Variants in RNF212 observed in about 807,000 individuals in gnomAD.
RNF212 encodes probable E3 SUMO-protein ligase RNF212.
RNF212 carries 33 observed loss-of-function variants against 34.7 expected under a neutral mutation model. That is an observed-to-expected ratio of 0.95 (90% CI 0.72 to 1.27). The LOEUF (loss-of-function observed/expected upper bound fraction) is 1.27, where lower values mean the gene tolerates loss of function less well. Ranked by LOEUF, RNF212 falls within the 50% of genes most tolerant of loss-of-function variation. The probability of loss-of-function intolerance (pLI) is 0.00; values close to 1 mark genes in which losing one functional copy is unlikely to be tolerated. For missense variants in RNF212, 377 were observed against 362.2 expected (o/e 1.04, Z -0.33); for synonymous variants, 140 against 136.1 (o/e 1.03, Z -0.20).
chr4:1,077,555 C>T (rs2153039954), intron 8 of RNF212, among the ~76,000 whole-genome samples: 1 of 152,316 alleles, frequency 6.6e-6, no homozygotes, highest in Middle Eastern at 3.4e-3. Flanking sequence ...TGAGTATTCT[C>T]TATCCTCCTC....
intron 7 of RNF212, 79 bp downstream of exon 7, chr4:1,081,340 G>T: frequency 8.3e-7 from 1 of 1,208,078 alleles, no homozygotes; most frequent in Non-Finnish European, 1.2e-6. Context: ...TTGGAGAGGG[G>T]GTGGGGTTGG....
chr4:1,058,307 CGG>C, intron 4 of RNF212: 1 of 898,224 alleles, frequency 1.1e-6, no homozygotes, highest in East Asian at 1.3e-4. Context: ...AAGGTGCTTG[CGG>C]GGGGGCACTA....
chr4:1,075,264 A>G (rs1349498371), intron 8 of RNF212, among the ~76,000 whole-genome samples: 1 of 152,122 alleles, frequency 6.6e-6, no homozygotes, highest in African/African-American at 2.4e-5. Flanking sequence ...TTCACATTTA[A>G]CTGGTGTATT....
At chr4:1,097,707 G>A (rs181400996) in intron 2 of RNF212, among the ~76,000 whole-genome samples, 12 of 152,252 alleles carry the variant, frequency 7.9e-5, no homozygotes, top group Non-Finnish European at 1.5e-4. Flanking sequence ...CCCCAGCCAG[G>A]ACCACATTAG....
At chr4:1,101,337 T>C (rs757389710) in intron 2 of RNF212, 43 of 250,298 alleles carry the variant, frequency 1.7e-4, no homozygotes, top group Non-Finnish European at 3.3e-4. Flanking sequence ...AGCAGAATTT[T>C]TCTCAGGGAA....
intron 1 of RNF212, among the ~76,000 whole-genome samples, chr4:1,108,801 C>G (rs1000609357): frequency 1.3e-5 from 2 of 152,130 alleles, no homozygotes; most frequent in South Asian, 2.1e-4. Context: ...CCGGGCTCAA[C>G]AGTCTTCCCC....
intron 3 of RNF212, among the ~76,000 whole-genome samples, chr4:1,063,694 CA>C (rs61295899): frequency 1.9e-4 from 25 of 131,568 alleles, no homozygotes; most frequent in East Asian, 1.2e-3. Context: ...GACTCAGTCT[CA>C]AAAAAAAAAA....
chr4:1,093,732 C>A, intron 3 of RNF212: 1 of 1,536,298 alleles, frequency 6.5e-7, no homozygotes, highest in Non-Finnish European at 8.7e-7. Flanking sequence ...TTTATGAACT[C>A]AAGCAACTTC....
At chr4:1,057,146 C>T (rs543774187) in intron 4 of RNF212, 25 of 243,774 alleles carry the variant, frequency 1.0e-4, no homozygotes, top group African/African-American at 2.3e-4. Context: ...CGCACACCCC[C>T]GCCCGGCGGC....
chr4:1,094,105 G>A, intron 3 of RNF212: 1 of 1,408,658 alleles, frequency 7.1e-7, no homozygotes, highest in Non-Finnish European at 9.4e-7. Context: ...GAAGGCACAA[G>A]CCCATGAAGG....
chr4:1,056,562 T>A (rs754459865), intron 4 of RNF212: 5 of 821,048 alleles, frequency 6.1e-6, no homozygotes, highest in Non-Finnish European at 7.4e-6. Context: ...GGGAGAAGAG[T>A]TTATTCACTA....
intron 4 of RNF212, among the ~76,000 whole-genome samples, chr4:1,057,918 G>A (rs566073121): frequency 2.3e-4 from 35 of 152,260 alleles, no homozygotes; most frequent in Non-Finnish European, 4.1e-4. Context: ...AAAATTAGCC[G>A]AGTGTGGTGG....
intron 5 of RNF212, among the ~76,000 whole-genome samples, chr4:1,084,242 C>T (rs1020266267): frequency 5.9e-5 from 9 of 152,124 alleles, no homozygotes; most frequent in African/African-American, 2.4e-5. Flanking sequence ...TGAGCCACTG[C>T]GCCTGGCCCC....
intron 1 of RNF212, among the ~76,000 whole-genome samples, chr4:1,111,029 TC>T (rs1725574675): frequency 6.6e-6 from 1 of 152,106 alleles, no homozygotes; most frequent in African/African-American, 2.4e-5. Flanking sequence ...TCTTCACACT[TC>T]CCAGCACCAC....
intron 3 of RNF212, chr4:1,094,030 G>T: frequency 1.4e-6 from 2 of 1,464,654 alleles, no homozygotes; most frequent in Non-Finnish European, 1.8e-6. Flanking sequence ...GGTGATTCAG[G>T]CTGTTTCAGA....
intron 8 of RNF212, among the ~76,000 whole-genome samples, chr4:1,077,928 C>A (rs897624623): frequency 6.6e-6 from 1 of 152,158 alleles, no homozygotes; most frequent in Non-Finnish European, 1.5e-5. Context: ...CAGAGGTGAG[C>A]TGGGCAGGGA....
intron 4 of RNF212, 58 bp downstream of exon 4, chr4:1,090,724 T>C (rs1722054646): frequency 1.1e-6 from 1 of 923,930 alleles, no homozygotes; most frequent in Non-Finnish European, 1.8e-6. Context: ...TTAACAAGTC[T>C]GACATTTAAA....
At chr4:1,104,990 A>G (rs1474407713) in intron 2 of RNF212, among the ~76,000 whole-genome samples, 1 of 152,028 alleles carries the variant, frequency 6.6e-6, no homozygotes, top group Non-Finnish European at 1.5e-5. Flanking sequence ...TGCCTTCTGG[A>G]GGAGCTCTCT....
At chr4:1,081,117 C>T (rs560854697) in intron 7 of RNF212, among the ~76,000 whole-genome samples, 3 of 152,326 alleles carry the variant, frequency 2.0e-5, no homozygotes, top group South Asian at 2.1e-4. Context: ...TGTCAGCTGC[C>T]GGGCACTGGA....
Sources: allele counts gnomAD v4.1 joint callset (sites outside exome capture counted in the v4.1 genomes callset), GRCh38; gene constraint gnomAD v4.1.1; transcripts MANE v1.5; gene names NCBI Gene and HGNC (gene_info 2026-07-23, HGNC 2026-07-21).